The following SMG1 variants were observed in gnomAD, a reference collection of about 807,000 sequenced individuals.
SMG1 encodes the protein SMG1 nonsense mediated mRNA decay associated PI3K related kinase.
Under a neutral mutation model 419.9 loss-of-function variants are expected in SMG1, and 22 were observed. That is an observed-to-expected ratio of 0.05 (90% CI 0.04 to 0.07). The LOEUF is 0.07. SMG1 is among the 10% of genes least tolerant of loss of function. SMG1 has a pLI of 1.00. For synonymous variants in SMG1, 1,538 were observed against 1,553.5 expected, an observed-to-expected ratio of 0.99 and a Z score of 0.23; for missense variants, 3,185 against 4,342.0, an observed-to-expected ratio of 0.73 and a Z score of 7.49.
chr16:18,877,902 G>C (rs941643449), intron 11 of SMG1: 2 of 152,182 alleles, frequency 1.3e-5, no homozygotes, highest in African/African-American at 2.4e-5. Context: ...ATGCTCAGCA[G>C]AATGTCATCT....
rs879866489 is a variant in SMG1, at chr16:18,872,187, G to A, written c.2180C>T (p.Thr727Met). 13 of 1,467,800 alleles carry A rather than the reference G, an allele frequency of 8.9e-6. No individual in the cohort carries two copies. Among genetic ancestry groups the A allele is most frequent in the Admixed American group, 5.7e-5 (3 of 52,732 alleles). 90.9% of individuals were successfully genotyped at this position (1,467,800 alleles called of 1,614,324 possible). Residue 727 changes from threonine to methionine, a missense_variant, in exon 15 of 63, where the codon ACG (threonine) becomes ATG (methionine). Physicochemically the swap from Thr to Met is moderately conservative, Grantham distance 81 (BLOSUM62 -1). Around this residue, in one of 27 missense-constraint regions of SMG1, gnomAD observed 297 missense variants for 491.0 expected, o/e 0.60. Transcript: ENST00000446231. The stretch of plus-strand genomic sequence containing the variant: ...AATACTATATAATATCTGTTACCTC[G>A]TGTCCTGGTTAAGGTTATCTTTCTT... The part of the protein sequence containing the change: ...LLKKDNLNQD[T>M]RKLLMTWALE...
At chr16:18,918,881 G>A (rs2038079975) in intron 1 of SMG1, among the ~76,000 whole-genome samples, 1 of 151,992 alleles carries the variant, frequency 6.6e-6, no homozygotes, top group South Asian at 2.1e-4. Flanking sequence ...CTAAGTGACA[G>A]AGCAAGACTG....
intron 7 of SMG1, 117 bp downstream of exon 7, chr16:18,885,424 T>A: frequency 7.6e-7 from 1 of 1,314,634 alleles, no homozygotes; most frequent in Non-Finnish European, 1.1e-6. Flanking sequence ...GAACCTCAAA[T>A]ATCACTGATT....
intron 1 of SMG1, among the ~76,000 whole-genome samples, chr16:18,916,632 C>G (rs2037994514): frequency 7.4e-6 from 1 of 134,688 alleles, no homozygotes; most frequent in African/African-American, 2.7e-5. Flanking sequence ...CAAAAAAAAA[C>G]ACAGAATAAG....
At chr16:18,857,362 G>T (rs1057342288) in intron 29 of SMG1, 1 of 152,052 alleles carries the variant, frequency 6.6e-6, no homozygotes, top group African/African-American at 2.4e-5. Flanking sequence ...CATTCATTTG[G>T]AGTATTTAAA....
chr16:18,834,064 T>A, intron 50 of SMG1, 140 bp downstream of exon 50: 3 of 662,700 alleles, frequency 4.5e-6, no homozygotes, highest in Non-Finnish European at 7.7e-6. Flanking sequence ...TAGCTATAAA[T>A]CTCACAATTA....
At chr16:18,810,618 G>A (rs2031297660) in intron 62 of SMG1, among the ~76,000 whole-genome samples, 1 of 152,198 alleles carries the variant, frequency 6.6e-6, no homozygotes, top group Non-Finnish European at 1.5e-5. Context: ...CAAAATGCAT[G>A]ATGATCCTTG....
chr16:18,812,208 G>C (rs1050946397), intron 60 of SMG1, 81 bp from the exon 61 acceptor site: 4 of 1,335,484 alleles, frequency 3.0e-6, no homozygotes, highest in Non-Finnish European at 4.1e-6. Flanking sequence ...CGGGATAGGT[G>C]GTAGTGGTTG....
chr16:18,815,414 A>G (rs779938116), intron 59 of SMG1, 26 bp downstream of exon 59: 1 of 1,610,500 alleles, frequency 6.2e-7, no homozygotes, highest in Non-Finnish European at 8.5e-7. Context: ...TATGTTTTAT[A>G]AATTCTGACC....
intron 29 of SMG1, among the ~76,000 whole-genome samples, chr16:18,855,387 C>A (rs1443701996): frequency 6.6e-6 from 1 of 152,156 alleles, no homozygotes; most frequent in Non-Finnish European, 1.5e-5. Flanking sequence ...GCATACTCTC[C>A]CTGGACATCA....
intron 13 of SMG1, among the ~76,000 whole-genome samples, chr16:18,874,743 G>A (rs2036012725): frequency 6.6e-6 from 1 of 150,414 alleles, no homozygotes; most frequent in African/African-American, 2.4e-5. Context: ...GTAGGTGTCT[G>A]TAATCTCAGC....
Position 18,805,835 on chromosome 16 carries a change from T to G in SMG1, c.*3734A>C, listed in dbSNP as rs1325256231. 2.6e-5 allele frequency: 4 copies of G among 152,340 alleles called. No individual in the cohort carries two copies. Among genetic ancestry groups the G allele is most frequent in the Non-Finnish European group, 4.4e-5 (3 of 68,028 alleles). 9.4% of individuals were successfully genotyped at this position (152,340 alleles called of 1,614,324 possible). ...GAACACTGGTTTTCATACTCTAATT[T>G]TATGTAAAACAAAGATGCTTAAATG... On this transcript the variant is annotated 3_prime_UTR_variant, in exon 63 of 63. Coordinates refer to ENST00000446231, the MANE Select transcript of SMG1 (RefSeq NM_015092.5).
At chr16:18,844,107 A>G (rs766760562) in intron 39 of SMG1, among the ~76,000 whole-genome samples, 3 of 152,064 alleles carry the variant, frequency 2.0e-5, no homozygotes, top group Admixed American at 1.3e-4. Flanking sequence ...AAAGGGAAAC[A>G]AAGAAACAAG....
chr16:18,905,072 C>T (rs2037506365), intron 1 of SMG1, among the ~76,000 whole-genome samples: 1 of 151,872 alleles, frequency 6.6e-6, no homozygotes, highest in Non-Finnish European at 1.5e-5. Context: ...CCAGCCTGGG[C>T]AACATAGTGA....
At chr16:18,840,583 T>C (rs1172827853) in intron 41 of SMG1, among the ~76,000 whole-genome samples, 2 of 152,218 alleles carry the variant, frequency 1.3e-5, no homozygotes, top group South Asian at 2.1e-4. Flanking sequence ...TCCTGGCATA[T>C]ATTAAGCACT....
Position 18,811,789 on chromosome 16 carries a change from G to A in SMG1, c.10880C>T (p.Pro3627Leu), listed in dbSNP as rs563819990. 16 of 1,613,850 alleles carry A rather than the reference G, an allele frequency of 9.9e-6. No homozygotes were observed. The Admixed American group carries it at 1.2e-4, about 12-fold the overall frequency. The change falls in exon 62 of 63, where the codon CCG becomes CTG. Residue 3627 changes from proline (P) to leucine (L), a missense_variant. Coordinates refer to ENST00000446231, the MANE Select transcript of SMG1 (RefSeq NM_015092.5). ...TTCAGCAACTGACATCCTCCTATTC[G>A]GATCAACATCTCGGCCCTCTAACTT... ...KAKLEGRDVD[P>L]NRRMSVAEQV...
At chr16:18,844,583 C>CACACACACACACACAT (rs2034146847) in intron 39 of SMG1, among the ~76,000 whole-genome samples, 1 of 148,078 alleles carries the variant, frequency 6.8e-6, no homozygotes, top group African/African-American at 2.6e-5. Context: ...CACACACACA[C>CACACACACACACACAT]GGAAACTCGA....
chr16:18,869,879 A>G lies in SMG1; in HGVS notation c.2608T>C (p.Leu870=), dbSNP rs1173356760. Residue 870 remains leucine (L), a synonymous_variant, in exon 19 of 63, where the codon TTG becomes CTG. Coordinates refer to ENST00000446231, the MANE Select transcript of SMG1 (RefSeq NM_015092.5). ...QDFSDVISFI[L]YGNSHRTGKD... ...CCTGTTCTATGAGAGTTCCCATACA[A>G]AATAAAACTAATAACATCAGAGAAA... The G allele has an allele frequency of 6.3e-7, 1 of 1,579,660 alleles. No homozygotes were observed. The highest frequency in any genetic ancestry group is 8.6e-7 in the Non-Finnish European group (1 of 1,164,290).
chr16:18,833,019 C>T lies in SMG1; in HGVS notation c.8713G>A (p.Glu2905Lys). 1 of 1,613,966 alleles carries T rather than the reference C, an allele frequency of 6.2e-7. No homozygotes were observed. Among genetic ancestry groups the T allele is most frequent in the Non-Finnish European group, 8.5e-7 (1 of 1,179,888 alleles). Residue 2905 changes from glutamate (E) to lysine (K), a missense_variant, in exon 51 of 63, where the codon GAA becomes AAA. Glu to Lys is a moderately conservative substitution (Grantham distance 56). Transcript: ENST00000446231. ...TTTCTTAAGTAGGCCTGAAGAGATTCCACTAGAGTCTGCAGGGGAACGCCA... is the reference window on the plus strand; with the variant it reads ...TTTCTTAAGTAGGCCTGAAGAGATTTCACTAGAGTCTGCAGGGGAACGCCA... ...TDGVPLQTLV[E>K]SLQAYLRNAA...
Sources: gnomAD v4.1 joint callset for allele counts (sites outside exome capture counted in the v4.1 genomes callset) on GRCh38, gnomAD v4.1.1 for gene constraint, gnomAD v4.1.1 regional missense constraint, MANE v1.5 for transcripts, NCBI Gene and HGNC (gene_info 2026-07-23, HGNC 2026-07-21) for gene names.